DFFA: variants seen among roughly 807,000 people sequenced by gnomAD.
The protein encoded by DFFA is DFF45.
In DFFA, 14 loss-of-function variants were observed where a neutral mutation model predicts 28.0. The ratio of observed to expected loss-of-function variants is 0.50; its 90% confidence interval spans 0.33 to 0.78. The LOEUF (loss-of-function observed/expected upper bound fraction) is 0.78. Ranked by LOEUF, DFFA falls within the 30% of genes least tolerant of loss-of-function variation. DFFA has a pLI of 0.02. For synonymous variants in DFFA, 158 were observed against 170.3 expected (o/e 0.93, Z 0.56); for missense variants, 395 against 407.1 (o/e 0.97, Z 0.26).
intron 3 of DFFA, among the ~76,000 whole-genome samples, chr1:10,464,241 T>C (rs1038728099): frequency 1.3e-4 from 20 of 151,920 alleles, no homozygotes; most frequent in African/African-American, 3.1e-4. Context: ...TACAGGTGCC[T>C]GCCACCACGC....
At chr1:10,467,168 C>T in intron 3 of DFFA, 22 bp downstream of exon 3, 1 of 1,613,628 alleles carries the variant, frequency 6.2e-7, no homozygotes, top group African/African-American at 1.3e-5. Flanking sequence ...AACATTGTTG[C>T]AGGTTGTGGA....
At chr1:10,470,917 G>C (rs1459449581) in intron 1 of DFFA, among the ~76,000 whole-genome samples, 3 of 150,920 alleles carry the variant, frequency 2.0e-5, no homozygotes, top group Non-Finnish European at 4.4e-5. Context: ...CAAAAAATTA[G>C]ATGGGCGTGG....
intron 3 of DFFA, among the ~76,000 whole-genome samples, chr1:10,463,853 C>T (rs1321608676): frequency 6.6e-6 from 1 of 151,738 alleles, no homozygotes; most frequent in Non-Finnish European, 1.5e-5. Flanking sequence ...TTAGTAGAGA[C>T]GGGGTTTTGT....
chr1:10,464,063 A>G (rs928296529), intron 3 of DFFA, among the ~76,000 whole-genome samples: 2 of 151,870 alleles, frequency 1.3e-5, no homozygotes, highest in Admixed American at 1.3e-4. Context: ...GATAGTTGGC[A>G]GACAGTCAAG....
rs1451957533 is a variant in DFFA at position 10,456,712 on chromosome 1, G to C, written c.*4778C>G. 1 of 152,140 alleles carries C rather than the reference G, an allele frequency of 6.6e-6. No individual in the cohort carries two copies. Among genetic ancestry groups the C allele is most frequent in the African/African-American group, 2.4e-5 (1 of 41,428 alleles). 9.4% of individuals were successfully genotyped at this position (152,140 alleles called of 1,614,324 possible). On this transcript the variant is annotated 3_prime_UTR_variant, in exon 6 of 6. Transcript: ENST00000377038. Reference sequence around the variant, plus strand: ...ATTAAAGGTTGGTAAGTGGTAATTAGCGTAGCTCCTGTCAAAGCCAGTTGC... The same window carrying C: ...ATTAAAGGTTGGTAAGTGGTAATTACCGTAGCTCCTGTCAAAGCCAGTTGC...
chr1:10,462,220 G>A (rs1175483689), intron 5 of DFFA, among the ~76,000 whole-genome samples: 2 of 152,140 alleles, frequency 1.3e-5, no homozygotes, highest in Non-Finnish European at 1.5e-5. Flanking sequence ...GCAGTGGCGC[G>A]ATCTTAGCTC....
chr1:10,461,264 A>G lies in DFFA; in HGVS notation c.*226T>C. ...ATCATATGTAATTAGAGGAGGCGGG[A>G]TATTGTTGGTGCAGCTATATCATTC... On this transcript the variant is annotated 3_prime_UTR_variant, in exon 6 of 6. Coordinates refer to ENST00000377038, the MANE Select transcript of DFFA (RefSeq NM_004401.3). 1 of 575,866 alleles carries G rather than the reference A, an allele frequency of 1.7e-6. No individual in the cohort carries two copies. 35.7% of individuals were successfully genotyped at this position (575,866 alleles called of 1,614,324 possible). A position where few individuals can be genotyped will look rare whatever the true frequency, so the allele number is the denominator to read the frequency against.
At chr1:10,466,380 G>A (rs536004867) in intron 3 of DFFA, among the ~76,000 whole-genome samples, 6 of 151,822 alleles carry the variant, frequency 4.0e-5, no homozygotes, top group African/African-American at 7.2e-5. Context: ...TAGTAGAGAT[G>A]GGGTTTTACC....
In DFFA at chr1:10,458,872, T is replaced by C. The variant is rs761567756; in HGVS notation, c.*2618A>G. On this transcript the variant is annotated 3_prime_UTR_variant, in exon 6 of 6. Coordinates refer to ENST00000377038, the MANE Select transcript of DFFA (RefSeq NM_004401.3). ...TATTGTGATATTTCTTTCTTTTTTG[T>C]GTGACAGTGTCTCACTCTGTTGCAG... The C allele has an allele frequency of 2.1e-5, 3 of 144,154 alleles. No homozygotes were observed. Among genetic ancestry groups the C allele is most frequent in the African/African-American group, 2.6e-5 (1 of 38,498 alleles). 8.9% of individuals were successfully genotyped at this position (144,154 alleles called of 1,614,324 possible). A position where few individuals can be genotyped will look rare whatever the true frequency, so the allele number is the denominator to read the frequency against.
At chr1:10,462,795 CCT>C in intron 5 of DFFA, 1 of 1,323,018 alleles carries the variant, frequency 7.6e-7, no homozygotes, top group Non-Finnish European at 9.7e-7. Flanking sequence ...GCTATTCCTC[CCT>C]GTCAGGAACA....
At chr1:10,466,952 CAAAAA>C (rs34597195) in intron 3 of DFFA, among the ~76,000 whole-genome samples, 12 of 32,722 alleles carry the variant, frequency 3.7e-4, no homozygotes, top group African/African-American at 9.6e-4. Context: ...GACTGTGTCT[CAAAAA>C]AAAAAAAAAA....
At chr1:10,468,554 T>G (rs1176912631) in intron 2 of DFFA, among the ~76,000 whole-genome samples, 1 of 151,852 alleles carries the variant, frequency 6.6e-6, no homozygotes, top group Non-Finnish European at 1.5e-5. Flanking sequence ...CTATAATTAT[T>G]ATGTCAACAA....
rs1358708280 is a variant in DFFA at position 10,461,303 on chromosome 1, G to A, written c.*187C>T. 1.2e-6 allele frequency: 1 copy of A among 837,796 alleles called. No individual in the cohort carries two copies. The highest frequency in any genetic ancestry group is 1.8e-6 in the Non-Finnish European group (1 of 558,784). 51.9% of individuals were successfully genotyped at this position (837,796 alleles called of 1,614,324 possible). On this transcript the variant is annotated 3_prime_UTR_variant, in exon 6 of 6. Transcript: ENST00000377038. ...GCTATATCATTCAAAATTGGCAGAA[G>A]TCCTGAAGCTGGTGGGGCTAAAAAA...
In DFFA at chr1:10,461,196, CTG is replaced by C; in HGVS notation, c.*292_*293del. 1 of 321,636 alleles carries C rather than the reference CTG, an allele frequency of 3.1e-6. No homozygotes were observed. The allele number at this position is 321,636 out of a possible 1,614,324, so 19.9% of individuals were successfully genotyped here. ...GTGCTGGGATTACAGGCGTGAGCCA[CTG>C]CGCCTGGCCAATCACTGCCAATTAC... On this transcript the variant is annotated 3_prime_UTR_variant, in exon 6 of 6. Transcript: ENST00000377038.
intron 2 of DFFA, among the ~76,000 whole-genome samples, chr1:10,467,629 G>C (rs1297339382): frequency 1.3e-5 from 2 of 151,906 alleles, no homozygotes; most frequent in Non-Finnish European, 2.9e-5. Flanking sequence ...TCCTGCCTCA[G>C]CCTTGCAAGT....
chr1:10,467,372 A>T (rs757172761), intron 2 of DFFA, 40 bp from the exon 3 acceptor site: 1 of 1,613,172 alleles, frequency 6.2e-7, no homozygotes, highest in South Asian at 1.1e-5. Context: ...GAACAACCTG[A>T]AGTGCTGTTT....
In DFFA at chr1:10,472,092, A is replaced by T. The variant is rs1641106350; in HGVS notation, c.136+231T>A. 6.6e-6 allele frequency among the ~76,000 whole-genome samples: 1 copy of T among 152,096 alleles called. No individual in the cohort carries two copies. The highest frequency in any genetic ancestry group is 6.6e-5 in the Admixed American group (1 of 15,258). On this transcript the variant is annotated intron_variant, in intron 1 of 5. Coordinates refer to ENST00000377038, the MANE Select transcript of DFFA (RefSeq NM_004401.3). This position sits in a 1 kb window ranked among gnomAD's most constrained non-coding sequence, Gnocchi z 5.0. ...CTAAGCCGAGTCTGGCTTAATTTGC[A>T]CATTGCTTCCTGGCTGTCTTCCCAC...
Position 10,461,712 on chromosome 1 carries a change from G to A in DFFA, c.784-10C>T. The A allele has an allele frequency of 6.2e-7, 1 of 1,613,922 alleles. No individual in the cohort carries two copies. Among genetic ancestry groups the A allele is most frequent in the Non-Finnish European group, 8.5e-7 (1 of 1,179,928 alleles). ...CTTCCTTGGTAACCAACTGCAGCAA[G>A]AATAAAAACCCCTGAGAACTGGGCC... On this transcript the variant is annotated splice_polypyrimidine_tract_variant and intron_variant, in intron 5 of 5. Transcript: ENST00000377038.
chr1:10,458,237 G>A lies in DFFA; in HGVS notation c.*3253C>T, dbSNP rs1640885387. 1 of 152,172 alleles carries A rather than the reference G, an allele frequency of 6.6e-6. No homozygotes were observed. Among genetic ancestry groups the A allele is most frequent in the Admixed American group, 6.6e-5 (1 of 15,258 alleles). 9.4% of individuals were successfully genotyped at this position (152,172 alleles called of 1,614,324 possible). ...CTGACAGTGAAACACACACCACTTT[G>A]TTGGAAATTATTTTCCTTTTTGCCC... On this transcript the variant is annotated 3_prime_UTR_variant, in exon 6 of 6. Coordinates refer to ENST00000377038, the MANE Select transcript of DFFA (RefSeq NM_004401.3).
Sources: allele counts gnomAD v4.1 joint callset (sites outside exome capture counted in the v4.1 genomes callset), GRCh38; gene constraint gnomAD v4.1.1; non-coding constraint Gnocchi (gnomAD v3.1); transcripts MANE v1.5; gene names NCBI Gene and HGNC (gene_info 2026-07-23, HGNC 2026-07-21).